Variants in CCR2 observed in about 807,000 individuals in gnomAD.
The protein encoded by CCR2 is C-C motif chemokine receptor 2.
For synonymous variants in CCR2, 183 were observed against 177.1 expected, an observed-to-expected ratio of 1.03 and a Z score of -0.27; for missense variants, 408 against 440.0, an observed-to-expected ratio of 0.93 and a Z score of 0.65.
chr3:46,359,901 T>TG lies in CCR2; in HGVS notation c.*1293dup, dbSNP rs1344021169. On this transcript the variant is annotated 3_prime_UTR_variant, in exon 2 of 2. Transcript: ENST00000445132. ...ATCTCTGCTTTGGAAATCACACGTC[T>TG]GGCTTCACAGATGTGTGATTCACAG... 1.3e-5 allele frequency: 21 copies of TG among 1,577,232 alleles called. No homozygotes were observed. The highest frequency in any genetic ancestry group is 1.8e-5 in the Non-Finnish European group (21 of 1,153,076).
chr3:46,358,355 CTG>C lies in CCR2; in HGVS notation c.831_832del (p.Cys277Ter), dbSNP rs751438454. On this transcript the variant is annotated frameshift_variant, in exon 2 of 2. Transcript: ENST00000445132. LOFTEE classifies it high-confidence loss of function. ...TFQEFFGLSN[C>X]ESTSQLDQAT... Reference sequence around the variant, plus strand: ...TCCAGGAATTCTTCGGCCTGAGTAACTGTGAAAGCACCAGTCAACTGGACCAA... The same window carrying C: ...TCCAGGAATTCTTCGGCCTGAGTAACTGAAAGCACCAGTCAACTGGACCAA... 20 of 1,614,070 alleles carry C rather than the reference CTG, an allele frequency of 1.2e-5. No homozygotes were observed. The highest frequency in any genetic ancestry group is 1.4e-5 in the Non-Finnish European group (16 of 1,180,022).
Position 46,359,682 on chromosome 3 carries a change from T to C in CCR2, c.*1072T>C. 6.2e-7 allele frequency: 1 copy of C among 1,608,080 alleles called. No individual in the cohort carries two copies. On this transcript the variant is annotated 3_prime_UTR_variant, in exon 2 of 2. Transcript: ENST00000445132. ...CTCTTCTCTTTTCCCCACAGCCTTT[T>C]TCACATAGCTCTTGGCTGTAGGATT...
At chr3:46,357,232 T>C (rs1236690001) in intron 1 of CCR2, among the ~76,000 whole-genome samples, 2 of 152,218 alleles carry the variant, frequency 1.3e-5, no homozygotes, top group Non-Finnish European at 2.9e-5. Flanking sequence ...GCTTTTAGCC[T>C]GAAAATGAGA....
rs754794357 is a variant in CCR2 at position 46,357,690 on chromosome 3, T to C, written c.163T>C (p.Phe55Leu). The C allele has an allele frequency of 6.2e-7, 1 of 1,614,186 alleles. No individual in the cohort carries two copies. ...LPPLYSLVFI[F>L]GFVGNMLVVL... ...TCCGCTCTACTCGCTGGTGTTCATC[T>C]TTGGTTTTGTGGGCAACATGCTGGT... is the stretch of plus-strand genomic sequence containing the variant. The change falls in exon 2 of 2, where the codon TTT (phenylalanine) becomes CTT (leucine). Residue 55 changes from phenylalanine (F) to leucine (L), a missense_variant. By Grantham distance (22) the Phe-to-Leu change is conservative. Transcript: ENST00000445132.
intron 1 of CCR2, among the ~76,000 whole-genome samples, chr3:46,355,663 C>T (rs1701439157): frequency 6.6e-6 from 1 of 152,008 alleles, no homozygotes; most frequent in Non-Finnish European, 1.5e-5. Context: ...GTGTGTGAAG[C>T]AAGAAAGTGA....
At position 46,359,090 on chromosome 3, in the gene CCR2, G is replaced by T; in HGVS notation, c.*480G>T. The stretch of plus-strand genomic sequence containing the variant: ...GGTGAGCAAAGGGCTCACGCATTCA[G>T]CCAGGAGATGATACTGGTCCTTAGC... On this transcript the variant is annotated 3_prime_UTR_variant, in exon 2 of 2. Coordinates refer to ENST00000445132, the MANE Select transcript of CCR2 (RefSeq NM_001123396.4). The T allele has an allele frequency of 2.0e-6, 2 of 1,011,596 alleles. No individual in the cohort carries two copies. Among genetic ancestry groups the T allele is most frequent in the South Asian group, 4.5e-5 (1 of 22,426 alleles). 62.7% of individuals were successfully genotyped at this position (1,011,596 alleles called of 1,614,324 possible).
At position 46,360,214 on chromosome 3, in the gene CCR2, T is replaced by C. The variant is rs763451379; in HGVS notation, c.*1604T>C. ...GCTTAAGAATTTTGAGCAGGTGGTA[T>C]GTTTGGGAGACTGCTGAGTCAACCC... is the stretch of plus-strand genomic sequence containing the variant. On this transcript the variant is annotated 3_prime_UTR_variant, in exon 2 of 2. Transcript: ENST00000445132. 12 of 264,808 alleles carry C rather than the reference T, an allele frequency of 4.5e-5. No homozygotes were observed. Among genetic ancestry groups the C allele is most frequent in the Admixed American group, 1.1e-4 (2 of 18,968 alleles). 16.4% of individuals were successfully genotyped at this position (264,808 alleles called of 1,614,324 possible). A position where few individuals can be genotyped will look rare whatever the true frequency, so the allele number is the denominator to read the frequency against.
At chr3:46,354,929 A>T (rs1157024916) in intron 1 of CCR2, 1 of 152,222 alleles carries the variant, frequency 6.6e-6, no homozygotes, top group East Asian at 1.9e-4. Context: ...TGTCAATTGC[A>T]AGAGAAATGG....
At chr3:46,356,057 A>T (rs1486135858) in intron 1 of CCR2, among the ~76,000 whole-genome samples, 1 of 152,232 alleles carries the variant, frequency 6.6e-6, no homozygotes, top group Non-Finnish European at 1.5e-5. Flanking sequence ...AGGTCCCTGC[A>T]TGATACCCAC....
intron 1 of CCR2, among the ~76,000 whole-genome samples, chr3:46,355,515 T>A (rs529452985): frequency 6.6e-6 from 1 of 152,320 alleles, no homozygotes; most frequent in African/African-American, 2.4e-5. Context: ...CCACCACATA[T>A]AAGTCATAGG....
intron 1 of CCR2, 71 bp downstream of exon 1, chr3:46,354,248 G>A (rs150082910): frequency 6.3e-4 from 96 of 152,264 alleles, no homozygotes; most frequent in African/African-American, 2.2e-3. Flanking sequence ...TGGAAATGCC[G>A]GGTCTGGGTA....
In CCR2 at chr3:46,359,305, G is replaced by T; in HGVS notation, c.*695G>T. ...ACATTTGAAATCTATGAAATATCAT[G>T]CTCCATTGTTCAGATGCTTCTTAGG... On this transcript the variant is annotated 3_prime_UTR_variant, in exon 2 of 2. Coordinates refer to ENST00000445132, the MANE Select transcript of CCR2 (RefSeq NM_001123396.4). 9.8e-7 allele frequency: 1 copy of T among 1,016,640 alleles called. No homozygotes were observed. Among genetic ancestry groups the T allele is most frequent in the South Asian group, 4.5e-5 (1 of 22,034 alleles). The allele number at this position is 1,016,640 out of a possible 1,614,324, so 63.0% of individuals were successfully genotyped here. A position where few individuals can be genotyped will look rare whatever the true frequency, so the allele number is the denominator to read the frequency against.
At chr3:46,354,983 C>G (rs1701425968) in intron 1 of CCR2, 1 of 152,140 alleles carries the variant, frequency 6.6e-6, no homozygotes, top group Non-Finnish European at 1.5e-5. Flanking sequence ...TTCACAGTCA[C>G]TGCCAGAAAA....
At chr3:46,357,435 G>A in intron 1 of CCR2, 42 bp from the exon 2 acceptor site, 1 of 1,334,034 alleles carries the variant, frequency 7.5e-7, no homozygotes, top group Non-Finnish European at 1.1e-6. Context: ...ATGGATTGCG[G>A]TGTTTGTGTT....
chr3:46,359,816 G>A lies in CCR2; in HGVS notation c.*1206G>A, dbSNP rs1396264399. 14 of 1,613,938 alleles carry A rather than the reference G, an allele frequency of 8.7e-6. No homozygotes were observed. Among genetic ancestry groups the A allele is most frequent in the Middle Eastern group, 1.6e-4 (1 of 6,082 alleles). On this transcript the variant is annotated 3_prime_UTR_variant, in exon 2 of 2. Coordinates refer to ENST00000445132, the MANE Select transcript of CCR2 (RefSeq NM_001123396.4). Reference sequence around the variant, plus strand: ...TGGTCGTGGAAAAGGAAAGTCAATTGGCAGAGCCCCTGAAGCCAGTCTTCA... The same window carrying A: ...TGGTCGTGGAAAAGGAAAGTCAATTAGCAGAGCCCCTGAAGCCAGTCTTCA...
Position 46,357,598 on chromosome 3 carries a change from T to G in CCR2, c.71T>G (p.Phe24Cys), listed in dbSNP as rs1274809697. The change falls in exon 2 of 2, where the codon TTT becomes TGT. Residue 24 changes from phenylalanine (F) to cysteine (C), a missense_variant. Phe to Cys is a radical substitution (Grantham distance 205). Transcript: ENST00000445132. ...AGCGGTGAAGAAGTCACCACCTTTT[T>G]TGATTATGATTACGGTGCTCCCTGT... The part of the protein sequence containing the change: ...NESGEEVTTF[F>C]DYDYGAPCHK... 8.1e-6 allele frequency: 13 copies of G among 1,614,022 alleles called. No homozygotes were observed. The highest frequency in any genetic ancestry group is 1.1e-5 in the Non-Finnish European group (13 of 1,180,024).
chr3:46,356,642 C>A (rs1480234690), intron 1 of CCR2, among the ~76,000 whole-genome samples: 1 of 152,084 alleles, frequency 6.6e-6, no homozygotes, highest in African/African-American at 2.4e-5. Flanking sequence ...TTCATAATGG[C>A]TTTAAAACAG....
Position 46,359,751 on chromosome 3 carries a change from C to G in CCR2, c.*1141C>G. 6.2e-7 allele frequency: 1 copy of G among 1,614,036 alleles called. No individual in the cohort carries two copies. The highest frequency in any genetic ancestry group is 8.5e-7 in the Non-Finnish European group (1 of 1,179,960). On this transcript the variant is annotated 3_prime_UTR_variant, in exon 2 of 2. Transcript: ENST00000445132. ...GTGTGTGGAGGTCCAGGAGTGAGAC[C>G]AGGAAAGAATGTGAAAGTGACTACA...
rs766919313 is a variant in CCR2 at position 46,358,500 on chromosome 3, A to T, written c.973A>T (p.Thr325Ser). ...YLSVFFRKHITKRFCKQCPVF... is the reference protein window; with the variant it reads ...YLSVFFRKHISKRFCKQCPVF... ...CTCGGTGTTCTTCCGAAAGCACATC[A>T]CCAAGCGCTTCTGCAAACAATGTCC... Residue 325 changes from threonine (T) to serine (S), a missense_variant, in exon 2 of 2, where the codon ACC becomes TCC. Thr to Ser is a moderately conservative substitution (Grantham distance 58, BLOSUM62 1). Transcript: ENST00000445132. 6.2e-7 allele frequency: 1 copy of T among 1,613,548 alleles called. No homozygotes were observed. Among genetic ancestry groups the T allele is most frequent in the Admixed American group, 1.7e-5 (1 of 60,008 alleles).
Sources: allele counts gnomAD v4.1 joint callset (sites outside exome capture counted in the v4.1 genomes callset), GRCh38; gene constraint gnomAD v4.1.1; transcripts MANE v1.5; gene names NCBI Gene and HGNC (gene_info 2026-07-23, HGNC 2026-07-21).